The following SSPN variants were observed in gnomAD, a reference collection of about 807,000 sequenced individuals.
SSPN encodes K-ras oncogene-associated protein.
In SSPN, 15 loss-of-function variants were observed where a neutral mutation model predicts 19.1. The ratio of observed to expected loss-of-function variants is 0.78; its 90% CI spans 0.52 to 1.21. The LOEUF (loss-of-function observed/expected upper bound fraction) is 1.21, where lower values mean the gene tolerates loss of function less well. Ranked by LOEUF, SSPN falls within the 50% of genes most tolerant of loss-of-function variation. SSPN has a pLI of 0.00. For missense variants in SSPN, 291 were observed against 314.0 expected (o/e 0.93, Z 0.55); for synonymous variants, 147 against 140.3 (o/e 1.05, Z -0.34).
intron 1 of SSPN, among the ~76,000 whole-genome samples, chr12:26,174,801 G>A (rs774273797): frequency 4.6e-5 from 7 of 152,116 alleles, no homozygotes; most frequent in Non-Finnish European, 8.8e-5. Flanking sequence ...GATTACAGGC[G>A]TGAGCCACCG....
upstream of SSPN, among the ~76,000 whole-genome samples, chr12:26,191,112 T>C (rs899182980): frequency 6.6e-6 from 1 of 152,238 alleles, no homozygotes; most frequent in African/African-American, 2.4e-5. Context: ...TATTAGCAAG[T>C]GGTATTCCAC....
intron 1 of SSPN, among the ~76,000 whole-genome samples, chr12:26,143,192 TTTGA>T (rs1294043132): frequency 6.6e-6 from 1 of 152,232 alleles, no homozygotes; most frequent in Non-Finnish European, 1.5e-5. Flanking sequence ...ACAGTAGTCA[TTTGA>T]TTAAGTATAA....
At chr12:26,157,985 A>T (rs1944565535) in intron 1 of SSPN, among the ~76,000 whole-genome samples, 1 of 152,170 alleles carries the variant, frequency 6.6e-6, no homozygotes, top group African/African-American at 2.4e-5. Flanking sequence ...GTAATCATAA[A>T]GAAGCAATTA....
chr12:26,224,163 C>G (rs1424012200), intron 1 of SSPN, 130 bp from the exon 2 acceptor site: 1 of 672,214 alleles, frequency 1.5e-6, no homozygotes, highest in African/African-American at 1.8e-5. Flanking sequence ...AAACACAGTA[C>G]ATAAAGATAA....
intron 1 of SSPN, among the ~76,000 whole-genome samples, chr12:26,218,500 A>G (rs1026209927): frequency 6.6e-6 from 1 of 151,782 alleles, no homozygotes; most frequent in East Asian, 1.9e-4. Context: ...AAAAAAAAAA[A>G]AGAAATGCAA....
intron 1 of SSPN, among the ~76,000 whole-genome samples, chr12:26,204,189 CTGAG>C (rs1339403583): frequency 6.6e-6 from 1 of 152,102 alleles, no homozygotes; most frequent in Admixed American, 6.5e-5. Flanking sequence ...AGCTAGAAGT[CTGAG>C]TGTTTCCGAG....
intron 1 of SSPN, among the ~76,000 whole-genome samples, chr12:26,150,808 G>C (rs1303684903): frequency 2.0e-5 from 3 of 152,182 alleles, no homozygotes; most frequent in Non-Finnish European, 4.4e-5. Context: ...GAAAGGGACA[G>C]TCCTTACTGG....
At chr12:26,220,368 C>G (rs1292868571) in intron 1 of SSPN, among the ~76,000 whole-genome samples, 1 of 151,520 alleles carries the variant, frequency 6.6e-6, no homozygotes, top group Non-Finnish European at 1.5e-5. Flanking sequence ...ATACCCTGTA[C>G]AAGAACCTAA....
At chr12:26,184,121 G>C (rs1944737561) in intron 1 of SSPN, among the ~76,000 whole-genome samples, 1 of 152,214 alleles carries the variant, frequency 6.6e-6, no homozygotes, top group Admixed American at 6.5e-5. Flanking sequence ...AGGGGTGGCA[G>C]TCAAGGTGTG....
chr12:26,212,313 A>G (rs768929866), intron 1 of SSPN, among the ~76,000 whole-genome samples: 5 of 152,216 alleles, frequency 3.3e-5, no homozygotes, highest in Non-Finnish European at 7.3e-5. Flanking sequence ...GATGTTAAAC[A>G]TGAGCTAGAC....
At chr12:26,150,070 G>A (rs137884982) in intron 1 of SSPN, among the ~76,000 whole-genome samples, 109 of 152,302 alleles carry the variant, frequency 7.2e-4, no homozygotes, top group Non-Finnish European at 1.2e-3. Flanking sequence ...GTTTCTGGCC[G>A]ACTGAACACC....
In SSPN at chr12:26,231,343, A is replaced by C; in HGVS notation, c.*267A>C. 1 of 383,520 alleles carries C rather than the reference A, an allele frequency of 2.6e-6. No homozygotes were observed. Among genetic ancestry groups the C allele is most frequent in the Non-Finnish European group, 4.6e-6 (1 of 218,340 alleles). The allele number at this position is 383,520 out of a possible 1,614,324, so 23.8% of individuals were successfully genotyped here. ...ACACTGAACAAGGAAAGAATGGCATAGATCTATCTTTACAGTCTGGAGTTA... is the reference window on the plus strand; with the variant it reads ...ACACTGAACAAGGAAAGAATGGCATCGATCTATCTTTACAGTCTGGAGTTA... On this transcript the variant is annotated 3_prime_UTR_variant, in exon 3 of 3. Transcript: ENST00000242729.
intron 1 of SSPN, among the ~76,000 whole-genome samples, chr12:26,160,969 A>G (rs547356730): frequency 1.3e-5 from 2 of 152,158 alleles, no homozygotes; most frequent in East Asian, 1.9e-4. Flanking sequence ...TTAGCTGGGC[A>G]TGGTGGCATT....
At position 26,195,739 on chromosome 12, in the gene SSPN, G is replaced by C; in HGVS notation, c.67G>C (p.Gly23Arg). 5 of 1,417,392 alleles carry C rather than the reference G, an allele frequency of 3.5e-6. No individual in the cohort carries two copies. Among genetic ancestry groups the C allele is most frequent in the Non-Finnish European group, 4.6e-6 (5 of 1,082,126 alleles). The allele number at this position is 1,417,392 out of a possible 1,614,324, so 87.8% of individuals were successfully genotyped here. ...GGGCCCGCCGGCCGCGGACGCCGCT[G>C]GGCCCGACGACATGGAGCCGAAGAA... ...QGGPPAADAAGPDDMEPKKGT... is the reference protein window; with the variant it reads ...QGGPPAADAARPDDMEPKKGT... The change falls in exon 1 of 3, where the codon GGG (glycine) becomes CGG (arginine). Residue 23 changes from glycine to arginine, a missense_variant. Coordinates refer to ENST00000242729, the MANE Select transcript of SSPN (RefSeq NM_005086.5).
chr12:26,171,146 A>G lies in SSPN; in HGVS notation c.-31+48994A>G, dbSNP rs28558379. On this transcript the variant is annotated intron_variant, in intron 1 of 2. Coordinates refer to the SSPN transcript ENST00000538142. ...CTCTCCTTCATGTCCTCTAGAATACAGAGGTCACTTTTAGCCTGAGTTTAG... is the reference window on the plus strand; with the variant it reads ...CTCTCCTTCATGTCCTCTAGAATACGGAGGTCACTTTTAGCCTGAGTTTAG... Among the ~76,000 whole-genome samples the G allele has an allele frequency of 4.0e-3, 611 of 152,312 alleles. 2 individuals carry two copies. The highest frequency in any genetic ancestry group is 0.014 in the African/African-American group (580 of 41,572).
intron 2 of SSPN, among the ~76,000 whole-genome samples, chr12:26,229,944 A>T (rs2137520977): frequency 6.6e-6 from 1 of 152,364 alleles, no homozygotes; most frequent in Middle Eastern, 3.4e-3. Flanking sequence ...GCCCTGTAGC[A>T]GCAGAGCGAG....
intron 1 of SSPN, chr12:26,122,303 G>GGCGGCGGCGGCTGCC: frequency 1.7e-6 from 2 of 1,163,986 alleles, no homozygotes; most frequent in Non-Finnish European, 2.1e-6. Context: ...CGGCGGCAGC[G>GGCGGCGGCGGCTGCC]GCGGCGGCGG....
rs1945261947 is a variant in SSPN, at chr12:26,234,030, T to C, written c.*2954T>C. 1.3e-5 allele frequency: 2 copies of C among 152,212 alleles called. No homozygotes were observed. The highest frequency in any genetic ancestry group is 6.5e-5 in the Admixed American group (1 of 15,284). 9.4% of individuals were successfully genotyped at this position (152,212 alleles called of 1,614,324 possible). A position where few individuals can be genotyped will look rare whatever the true frequency, so the allele number is the denominator to read the frequency against. On this transcript the variant is annotated 3_prime_UTR_variant, in exon 3 of 3. Transcript: ENST00000242729. ...AAGTAACAGGCCTCACTGTTTTTTT[T>C]CTTTGGATTAAAAGTGTATATCTCT...
At chr12:26,179,011 C>T (rs1206642150) in intron 1 of SSPN, among the ~76,000 whole-genome samples, 1 of 152,152 alleles carries the variant, frequency 6.6e-6, no homozygotes, top group Non-Finnish European at 1.5e-5. Context: ...CATAATATCC[C>T]ATGAAGGATG....
Sources: allele counts gnomAD v4.1 joint callset (sites outside exome capture counted in the v4.1 genomes callset), GRCh38; gene constraint gnomAD v4.1.1; transcripts MANE v1.5; gene names NCBI Gene and HGNC (gene_info 2026-07-23, HGNC 2026-07-21).